Variants in PCNX2 observed in about 807,000 individuals in gnomAD.
The protein encoded by PCNX2 is pecanex 2.
A neutral mutation model predicts 223.8 loss-of-function variants in PCNX2; 168 were observed. That is an observed-to-expected ratio of 0.75 (90% CI 0.66 to 0.85). PCNX2 has a LOEUF of 0.85. PCNX2 is among the 40% of genes least tolerant of loss of function. PCNX2 has a pLI of 0.00. For synonymous variants in PCNX2, 1,006 were observed against 1,052.6 expected (o/e 0.96, Z 0.86); for missense variants, 2,507 against 2,675.5 (o/e 0.94, Z 1.39).
At chr1:233,296,373 G>A (rs1435095349), upstream of PCNX2, among the ~76,000 whole-genome samples, 1 of 152,110 alleles carries the variant, frequency 6.6e-6, no homozygotes, top group African/African-American at 2.4e-5. Context: ...TAAAATTTTA[G>A]GAGCTTCAGT....
At chr1:233,072,628 G>C (rs902096295) in intron 23 of PCNX2, among the ~76,000 whole-genome samples, 7 of 152,144 alleles carry the variant, frequency 4.6e-5, no homozygotes, top group African/African-American at 7.2e-5. Flanking sequence ...TTTGCAAAAT[G>C]ATTTTTCTGG....
At chr1:233,012,089 A>G (rs1670487656) in intron 28 of PCNX2, among the ~76,000 whole-genome samples, 1 of 152,186 alleles carries the variant, frequency 6.6e-6, no homozygotes, top group African/African-American at 2.4e-5. Flanking sequence ...GAAATCCCAC[A>G]TATATTGGGG....
At chr1:233,064,975 GTAAT>G (rs756938574) in intron 23 of PCNX2, among the ~76,000 whole-genome samples, 54 of 152,038 alleles carry the variant, frequency 3.6e-4, no homozygotes, top group Non-Finnish European at 7.4e-5. Context: ...ACTTTTCAAA[GTAAT>G]TAATTATTAA....
intron 32 of PCNX2, among the ~76,000 whole-genome samples, chr1:232,998,019 A>T (rs1250433025): frequency 6.6e-6 from 1 of 152,212 alleles, no homozygotes; most frequent in Non-Finnish European, 1.5e-5. Context: ...GGACAGACAG[A>T]TGAATGGCTG....
At chr1:233,221,879 G>C (rs974426338) in intron 10 of PCNX2, among the ~76,000 whole-genome samples, 1 of 152,164 alleles carries the variant, frequency 6.6e-6, no homozygotes, top group Non-Finnish European at 1.5e-5. Flanking sequence ...AATTAGGAAG[G>C]GGAGCCAATT....
intron 10 of PCNX2, among the ~76,000 whole-genome samples, chr1:233,224,000 T>C (rs532488933): frequency 3.3e-5 from 5 of 152,192 alleles, no homozygotes; most frequent in Non-Finnish European, 5.9e-5. Context: ...GCTTCCTTCA[T>C]GGCACCTATT....
At chr1:233,317,345 C>A in the PCNX2 span, among the ~76,000 whole-genome samples, 1 of 152,134 alleles carries the variant, frequency 6.6e-6, no homozygotes. Flanking sequence ...ACCTGGGAGG[C>A]AAAGGTTGCA....
chr1:233,217,982 TA>T lies in PCNX2; in HGVS notation c.2658+48del, dbSNP rs767181419. 35 of 1,613,402 alleles carry T rather than the reference TA, an allele frequency of 2.2e-5. No homozygotes were observed. The East Asian group carries it at 7.4e-4, about 34-fold the overall frequency. On this transcript the variant is annotated intron_variant, in intron 11 of 33. Transcript: ENST00000258229. ...TGTCATCATCTCATGATTTCAAGGC[TA>T]CATTAGTGACAGCACACGCTACTGG...
At chr1:233,009,203 A>C (rs574120490) in intron 28 of PCNX2, among the ~76,000 whole-genome samples, 56 of 152,174 alleles carry the variant, frequency 3.7e-4, no homozygotes, top group Non-Finnish European at 7.1e-4. Flanking sequence ...TAACTCTCCT[A>C]ACTTGCATTA....
chr1:233,199,069 C>T, intron 14 of PCNX2, 39 bp from the exon 15 acceptor site: 1 of 1,517,832 alleles, frequency 6.6e-7, no homozygotes, highest in Non-Finnish European at 8.9e-7. Context: ...CTAGACCCGC[C>T]ATTCTTAAAA....
At chr1:233,151,302 C>A (rs547397650) in intron 19 of PCNX2, among the ~76,000 whole-genome samples, 3 of 152,276 alleles carry the variant, frequency 2.0e-5, no homozygotes, top group Admixed American at 1.3e-4. Context: ...AACAGACCTA[C>A]TTTAGGGAGA....
intron 1 of PCNX2, chr1:233,289,035 T>C: frequency 1.5e-6 from 2 of 1,328,362 alleles, no homozygotes. Context: ...GCCCACAATT[T>C]TGCTTGTGAA....
At chr1:233,007,223 C>A (rs1253137004) in intron 28 of PCNX2, among the ~76,000 whole-genome samples, 1 of 151,396 alleles carries the variant, frequency 6.6e-6, no homozygotes, top group Non-Finnish European at 1.5e-5. Flanking sequence ...AGCACCATCT[C>A]TGAGCAACTA....
rs1175789216 is a variant in PCNX2, at chr1:233,258,890, C to T, written c.972G>A (p.Glu324=). The T allele has an allele frequency of 6.2e-7, 1 of 1,613,814 alleles. No individual in the cohort carries two copies. Among genetic ancestry groups the T allele is most frequent in the East Asian group, 2.2e-5 (1 of 44,872 alleles). The change falls in exon 5 of 34, where the codon GAG becomes GAA. Residue 324 remains glutamate (E), a synonymous_variant. Coordinates refer to ENST00000258229, the MANE Select transcript of PCNX2 (RefSeq NM_014801.4). ...CCTGACAGGATGTGTCTGCTGGCTC[C>T]TCCACAGGCTTGGCCACGATGGTGT... ...QCDTIVAKPV[E]EPADTSCQVD...
intron 28 of PCNX2, among the ~76,000 whole-genome samples, chr1:233,011,910 C>A (rs780558569): frequency 1.3e-5 from 2 of 152,068 alleles, no homozygotes; most frequent in Non-Finnish European, 2.9e-5. Flanking sequence ...ATTCATTGAC[C>A]CCAAAGAGGG....
chr1:233,035,884 G>C (rs1301223619), intron 25 of PCNX2, among the ~76,000 whole-genome samples: 2 of 152,022 alleles, frequency 1.3e-5, no homozygotes, highest in African/African-American at 4.8e-5. Context: ...GAGCTTCCTT[G>C]GTAGCCCCTT....
At chr1:233,136,381 AG>A (rs946937787) in intron 20 of PCNX2, among the ~76,000 whole-genome samples, 49 of 152,224 alleles carry the variant, frequency 3.2e-4, no homozygotes, top group African/African-American at 1.2e-3. Context: ...TTATTTAAGA[AG>A]TACAAAATTG....
At chr1:233,285,127 A>T in intron 1 of PCNX2, 1 of 514,754 alleles carries the variant, frequency 1.9e-6, no homozygotes, top group Non-Finnish European at 2.5e-6. Context: ...CCAAAGTGAG[A>T]GGATTGCTTG....
intron 28 of PCNX2, among the ~76,000 whole-genome samples, chr1:233,002,582 G>T (rs140213292): frequency 6.6e-6 from 1 of 152,018 alleles, no homozygotes; most frequent in Non-Finnish European, 1.5e-5. Flanking sequence ...CATACTGCCC[G>T]AAGTAATTTA....
Sources: allele counts gnomAD v4.1 joint callset (sites outside exome capture counted in the v4.1 genomes callset), GRCh38; gene constraint gnomAD v4.1.1; transcripts MANE v1.5; gene names NCBI Gene and HGNC (gene_info 2026-07-23, HGNC 2026-07-21).